Variants in STK39 observed in about 807,000 individuals in gnomAD.
The protein encoded by STK39 is serine/threonine kinase 39, also known as STE20/SPS1-related proline-alanine-rich protein kinase.
In STK39, 20 loss-of-function variants were observed where a neutral mutation model predicts 77.8. The ratio of observed to expected loss-of-function variants is 0.26; its 90% CI spans 0.18 to 0.37. STK39 has a LOEUF of 0.37. Among genes scored for constraint, STK39 ranks in the 10% least tolerant of loss-of-function variants. The pLI, the probability that STK39 is intolerant of heterozygous loss-of-function variation, is 1.00. For synonymous variants in STK39, 246 were observed against 234.1 expected, an observed-to-expected ratio of 1.05 and a Z score of -0.47; for missense variants, 479 against 656.5, an observed-to-expected ratio of 0.73 and a Z score of 2.95.
intron 14 of STK39, among the ~76,000 whole-genome samples, chr2:168,026,931 C>G (rs1292856443): frequency 2.0e-5 from 3 of 152,086 alleles, no homozygotes; most frequent in African/African-American, 7.2e-5. Context: ...CAGCCTGGGA[C>G]ACACCGTGAG....
At chr2:168,057,528 T>G (rs1363249272) in intron 14 of STK39, among the ~76,000 whole-genome samples, 1 of 151,930 alleles carries the variant, frequency 6.6e-6, no homozygotes, top group African/African-American at 2.4e-5. Flanking sequence ...GTTTCCTTAA[T>G]TATAATCACA....
intron 14 of STK39, among the ~76,000 whole-genome samples, chr2:168,040,760 T>A (rs1372562787): frequency 6.6e-6 from 1 of 152,214 alleles, no homozygotes; most frequent in East Asian, 1.9e-4. Flanking sequence ...CCCAGGACTA[T>A]CAAGGACTTA....
rs999019358 is a variant in STK39, at chr2:168,003,993, C to T, written c.1498+8641G>A. On this transcript the variant is annotated intron_variant, in intron 16 of 17. Transcript: ENST00000355999. Reference sequence around the variant, plus strand: ...CTGCTGCTCAGTAAATTGTGGATCACTCATAACAGACTTAAATATCCCTGA... The same window carrying T: ...CTGCTGCTCAGTAAATTGTGGATCATTCATAACAGACTTAAATATCCCTGA... Among the ~76,000 whole-genome samples, 5 of 152,328 alleles carry T rather than the reference C, an allele frequency of 3.3e-5. No homozygotes were observed. In the South Asian group the frequency reaches 1.0e-3, roughly 32 times the overall value.
At chr2:168,163,208 A>G (rs148987744) in intron 4 of STK39, among the ~76,000 whole-genome samples, 8 of 152,302 alleles carry the variant, frequency 5.3e-5, no homozygotes, top group African/African-American at 1.7e-4. Flanking sequence ...TTGACTATGT[A>G]AAGAATTAAC....
At chr2:167,960,890 T>G (rs1376005515) in intron 17 of STK39, among the ~76,000 whole-genome samples, 1 of 152,148 alleles carries the variant, frequency 6.6e-6, no homozygotes, top group Non-Finnish European at 1.5e-5. Context: ...CAGAATCACC[T>G]GGAGGGCTTG....
At chr2:168,010,323 A>C (rs1237625951) in intron 16 of STK39, among the ~76,000 whole-genome samples, 1 of 152,240 alleles carries the variant, frequency 6.6e-6, no homozygotes, top group African/African-American at 2.4e-5. Flanking sequence ...TAAGACACAA[A>C]AGTGTATACT....
chr2:168,078,299 C>T (rs1390998735), intron 10 of STK39, among the ~76,000 whole-genome samples: 1 of 152,122 alleles, frequency 6.6e-6, no homozygotes, highest in African/African-American at 2.4e-5. Flanking sequence ...GAAAAGAAGG[C>T]AGGCTCAGCC....
chr2:168,065,990 C>T (rs1197059962), intron 12 of STK39, among the ~76,000 whole-genome samples: 3 of 152,108 alleles, frequency 2.0e-5, no homozygotes, highest in African/African-American at 4.8e-5. Flanking sequence ...TTTGGGAACT[C>T]TGCCCTGGAG....
chr2:168,122,762 T>A (rs1213589309), intron 10 of STK39, among the ~76,000 whole-genome samples: 1 of 152,186 alleles, frequency 6.6e-6, no homozygotes, highest in Non-Finnish European at 1.5e-5. Context: ...TACACAAGAT[T>A]TCTATCATTC....
chr2:168,145,271 C>G (rs915955247), intron 5 of STK39, among the ~76,000 whole-genome samples: 1 of 152,118 alleles, frequency 6.6e-6, no homozygotes, highest in African/African-American at 2.4e-5. Flanking sequence ...AGCAGCCAGG[C>G]AGGAATACAA....
At chr2:168,064,542 GGCTTCCTGAA>G (rs1685746030) in intron 13 of STK39, among the ~76,000 whole-genome samples, 1 of 152,126 alleles carries the variant, frequency 6.6e-6, no homozygotes, top group Non-Finnish European at 1.5e-5. Context: ...ACCTCAAACA[GGCTTCCTGAA>G]GCCAACAAAA....
At chr2:168,002,718 T>C (rs1012328852) in intron 16 of STK39, among the ~76,000 whole-genome samples, 1 of 152,250 alleles carries the variant, frequency 6.6e-6, no homozygotes, top group African/African-American at 2.4e-5. Context: ...CATTTTACTT[T>C]AGTCTGTCTT....
At chr2:168,024,233 G>A (rs976146431) in intron 14 of STK39, among the ~76,000 whole-genome samples, 1 of 152,198 alleles carries the variant, frequency 6.6e-6, no homozygotes, top group Non-Finnish European at 1.5e-5. Context: ...GAGGCCGCCT[G>A]GGGCAGGATG....
intron 10 of STK39, among the ~76,000 whole-genome samples, chr2:168,104,959 A>C (rs1686930232): frequency 6.6e-6 from 1 of 152,250 alleles, no homozygotes; most frequent in Non-Finnish European, 1.5e-5. Context: ...ATTAGGTAGT[A>C]ACAAAAAGGA....
intron 14 of STK39, among the ~76,000 whole-genome samples, chr2:168,062,111 G>A (rs1000581732): frequency 2.0e-5 from 3 of 152,114 alleles, no homozygotes; most frequent in Admixed American, 2.0e-4. Context: ...AAAGATTCCT[G>A]CATATATAAA....
intron 8 of STK39, among the ~76,000 whole-genome samples, chr2:168,134,283 A>G (rs1195114723): frequency 6.6e-6 from 1 of 152,222 alleles, no homozygotes; most frequent in Non-Finnish European, 1.5e-5. Context: ...GGATTCAGCT[A>G]ATGCATATGG....
intron 16 of STK39, among the ~76,000 whole-genome samples, chr2:168,009,739 G>A (rs1684222203): frequency 6.6e-6 from 1 of 152,148 alleles, no homozygotes; most frequent in Non-Finnish European, 1.5e-5. Flanking sequence ...AGATATGCCT[G>A]TTCTTACTCC....
chr2:168,061,611 C>T (rs960464395), intron 14 of STK39, among the ~76,000 whole-genome samples: 2 of 152,282 alleles, frequency 1.3e-5, no homozygotes, highest in South Asian at 2.1e-4. Context: ...TGAAAACAAC[C>T]TATACCCACA....
chr2:168,214,737 C>A (rs931039923), intron 1 of STK39, among the ~76,000 whole-genome samples: 1 of 151,926 alleles, frequency 6.6e-6, no homozygotes, highest in Non-Finnish European at 1.5e-5. Flanking sequence ...GGGAAAGGCA[C>A]GAGTAAGGGA....
Sources: gnomAD v4.1 joint callset for allele counts (sites outside exome capture counted in the v4.1 genomes callset) on GRCh38, gnomAD v4.1.1 for gene constraint, MANE v1.5 for transcripts, NCBI Gene and HGNC (gene_info 2026-07-23, HGNC 2026-07-21) for gene names.